Variants in RPGRIP1L observed in about 807,000 individuals in gnomAD.
The protein encoded by RPGRIP1L is RPGRIP1 like, also known as protein fantom.
Under a neutral mutation model 160.4 loss-of-function variants are expected in RPGRIP1L, and 131 were observed. The observed-to-expected ratio is 0.82, with a 90% confidence interval of 0.71 to 0.94. The LOEUF (loss-of-function observed/expected upper bound fraction) is 0.94, where lower values mean the gene tolerates loss of function less well. Among genes scored for constraint, RPGRIP1L ranks in the 40% least tolerant of loss-of-function variants. The probability of loss-of-function intolerance (pLI) is 0.00; values close to 1 mark genes in which losing one functional copy is unlikely to be tolerated. For synonymous variants in RPGRIP1L, 510 were observed against 515.8 expected, an observed-to-expected ratio of 0.99 and a Z score of 0.15; for missense variants, 1,522 against 1,535.8, an observed-to-expected ratio of 0.99 and a Z score of 0.15.
rs577442161 is a variant in RPGRIP1L at position 53,678,148 on chromosome 16, T to A, written c.777-3026A>T. Among the ~76,000 whole-genome samples the A allele has an allele frequency of 2.6e-3, 393 of 148,460 alleles. 2 individuals carry two copies. Among genetic ancestry groups the A allele is most frequent in the South Asian group, 0.012 (53 of 4,498 alleles). ...TTCTTTTCTCTTTCCTTTTTTTTTTTAAAAAAACCATGATTTTAAATTATG... is the reference window on the plus strand; with the variant it reads ...TTCTTTTCTCTTTCCTTTTTTTTTTAAAAAAAACCATGATTTTAAATTATG... On this transcript the variant is annotated intron_variant, in intron 6 of 26. Transcript: ENST00000647211.
At chr16:53,618,482 A>T (rs1267480512) in intron 24 of RPGRIP1L, among the ~76,000 whole-genome samples, 1 of 152,206 alleles carries the variant, frequency 6.6e-6, no homozygotes, top group African/African-American at 2.4e-5. Flanking sequence ...ATGACATAGC[A>T]GGACCATCTT....
chr16:53,616,020 T>C (rs1157124297), intron 24 of RPGRIP1L, among the ~76,000 whole-genome samples: 1 of 152,210 alleles, frequency 6.6e-6, no homozygotes, highest in Non-Finnish European at 1.5e-5. Context: ...TGTACCTAAT[T>C]TGGGCCTGAA....
chr16:53,685,717 G>A (rs1353797982), intron 6 of RPGRIP1L, among the ~76,000 whole-genome samples: 3 of 152,026 alleles, frequency 2.0e-5, no homozygotes, highest in Non-Finnish European at 4.4e-5. Flanking sequence ...GAGGGTGAGG[G>A]GTGGGAGGAG....
chr16:53,619,385 C>T (rs1964574737), intron 23 of RPGRIP1L, among the ~76,000 whole-genome samples, 177 bp from the exon 24 acceptor site: 1 of 152,190 alleles, frequency 6.6e-6, no homozygotes, highest in Non-Finnish European at 1.5e-5. Context: ...GACAGAGACA[C>T]AGAATGAGAT....
chr16:53,664,801 T>TACTG, intron 10 of RPGRIP1L, 69 bp downstream of exon 10: 1 of 1,538,244 alleles, frequency 6.5e-7, no homozygotes, highest in Admixed American at 1.7e-5. Context: ...CCAGAGTAAG[T>TACTG]ACTGACTGAT....
At chr16:53,628,261 T>C (rs889705659) in intron 22 of RPGRIP1L, 4 of 152,124 alleles carry the variant, frequency 2.6e-5, no homozygotes, top group Non-Finnish European at 4.4e-5. Context: ...GTCAATGCTT[T>C]TGAAGAGTAC....
intron 9 of RPGRIP1L, among the ~76,000 whole-genome samples, chr16:53,670,752 A>G (rs1968645508): frequency 6.6e-6 from 1 of 152,130 alleles, no homozygotes; most frequent in African/African-American, 2.4e-5. Context: ...GGGGAGTCTA[A>G]GAAAGAGACC....
chr16:53,645,831 T>A lies in RPGRIP1L; in HGVS notation c.2477A>T (p.Asp826Val). The change falls in exon 17 of 27, where the codon GAT (aspartate) becomes GTT (valine). Residue 826 changes from aspartate (D) to valine (V), a missense_variant. Coordinates refer to ENST00000647211, the MANE Select transcript of RPGRIP1L (RefSeq NM_015272.5). The stretch of plus-strand genomic sequence containing the variant: ...ATTGCTACTGGGAATGATAGCTGTA[T>A]CATGGTCTGCAAAATCAAAAAACTT... ...VYKFFDFADH[D>V]TAIIPSSNDP... The A allele has an allele frequency of 6.2e-7, 1 of 1,614,122 alleles. No homozygotes were observed. Among genetic ancestry groups the A allele is most frequent in the Non-Finnish European group, 8.5e-7 (1 of 1,179,982 alleles).
chr16:53,620,332 T>C (rs1286383496), intron 23 of RPGRIP1L, among the ~76,000 whole-genome samples: 2 of 152,192 alleles, frequency 1.3e-5, no homozygotes, highest in Non-Finnish European at 2.9e-5. Flanking sequence ...GAAGTAATTT[T>C]ACCCCCTTCT....
At chr16:53,674,067 G>C (rs995260801) in intron 7 of RPGRIP1L, among the ~76,000 whole-genome samples, 9 of 152,202 alleles carry the variant, frequency 5.9e-5, no homozygotes, top group Non-Finnish European at 1.3e-4. Context: ...AACATCTGTA[G>C]ATAGCACTAT....
intron 24 of RPGRIP1L, 96 bp from the exon 25 acceptor site, chr16:53,611,147 G>A (rs1964011617): frequency 1.1e-6 from 1 of 877,994 alleles, no homozygotes; most frequent in Non-Finnish European, 1.9e-6. Flanking sequence ...TGTTTTTAAA[G>A]ACACAAGTCA....
intron 23 of RPGRIP1L, among the ~76,000 whole-genome samples, chr16:53,620,827 TA>T (rs1034212232): frequency 2.4e-4 from 37 of 152,336 alleles, no homozygotes; most frequent in South Asian, 2.3e-3. Context: ...TTTTAAATGA[TA>T]TTTTTTTTCC....
At chr16:53,651,641 G>A (rs1217947458) in intron 15 of RPGRIP1L, among the ~76,000 whole-genome samples, 1 of 152,000 alleles carries the variant, frequency 6.6e-6, no homozygotes, top group Non-Finnish European at 1.5e-5. Context: ...TCCTGGCATG[G>A]ATCTTCATTC....
At chr16:53,642,392 C>T (rs1330140342) in intron 17 of RPGRIP1L, among the ~76,000 whole-genome samples, 1 of 151,444 alleles carries the variant, frequency 6.6e-6, no homozygotes, top group East Asian at 1.9e-4. Flanking sequence ...GTATCCTTTA[C>T]TTTGCTCTCA....
At chr16:53,682,372 T>C (rs1368368168) in intron 6 of RPGRIP1L, among the ~76,000 whole-genome samples, 1 of 152,232 alleles carries the variant, frequency 6.6e-6, no homozygotes, top group Non-Finnish European at 1.5e-5. Context: ...TTACCTCTTC[T>C]ATGTATACAT....
Position 53,672,978 on chromosome 16 carries a change from C to T in RPGRIP1L, c.921G>A (p.Met307Ile), listed in dbSNP as rs768051049. Residue 307 changes from methionine to isoleucine, a missense_variant, in exon 8 of 27, where the codon ATG becomes ATA. Met to Ile is a conservative substitution (Grantham distance 10, BLOSUM62 1). Transcript: ENST00000647211. Reference sequence around the variant, plus strand: ...GCATGTTTAATTCATCCCCATTTGCCATCAAAGCATCGTGGCTGATTCTGA... The same window carrying T: ...GCATGTTTAATTCATCCCCATTTGCTATCAAAGCATCGTGGCTGATTCTGA... ...RTLRISHDAL[M>I]ANGDELNMQL... The T allele has an allele frequency of 3.1e-6, 5 of 1,613,102 alleles. No homozygotes were observed. In the East Asian group the frequency reaches 1.1e-4, roughly 36 times the overall value.
At chr16:53,700,512 G>T in intron 2 of RPGRIP1L, 127 bp downstream of exon 2, 1 of 759,404 alleles carries the variant, frequency 1.3e-6, no homozygotes, top group Admixed American at 2.1e-5. Context: ...CCATCTTTTT[G>T]TTTAGTCCAA....
At chr16:53,691,996 CTT>C in intron 4 of RPGRIP1L, 68 bp downstream of exon 4, 2 of 1,461,248 alleles carry the variant, frequency 1.4e-6, no homozygotes, top group Non-Finnish European at 1.9e-6. Flanking sequence ...AGAAGTAAAA[CTT>C]TGTGTTTTTT....
chr16:53,672,942 C>T lies in RPGRIP1L; in HGVS notation c.957G>A (p.Glu319=), dbSNP rs1968866974. ...NGDELNMQLK[E]QRLKCCSLEK... The stretch of plus-strand genomic sequence containing the variant: ...CAAGACTGCAGCATTTTAAACGCTG[C>T]TCTTTAAGTTGCATGTTTAATTCAT... Residue 319 remains glutamate (E), a synonymous_variant, in exon 8 of 27, where the codon GAG becomes GAA. Coordinates refer to ENST00000647211, the MANE Select transcript of RPGRIP1L (RefSeq NM_015272.5). 6.2e-7 allele frequency: 1 copy of T among 1,613,028 alleles called. No individual in the cohort carries two copies. The highest frequency in any genetic ancestry group is 8.5e-7 in the Non-Finnish European group (1 of 1,179,354).
Sources: gnomAD v4.1 joint callset for allele counts (sites outside exome capture counted in the v4.1 genomes callset) on GRCh38, gnomAD v4.1.1 for gene constraint, MANE v1.5 for transcripts, NCBI Gene and HGNC (gene_info 2026-07-23, HGNC 2026-07-21) for gene names.